Variants in SUGP1 observed in about 807,000 individuals in gnomAD.
The protein encoded by SUGP1 is SURP and G-patch domain-containing protein 1.
A neutral mutation model predicts 76.5 loss-of-function variants in SUGP1; 34 were observed. The ratio of observed to expected loss-of-function variants is 0.44; its 90% CI spans 0.34 to 0.59. SUGP1 has a LOEUF of 0.59. SUGP1 is among the 20% of genes least tolerant of loss of function. The probability of loss-of-function intolerance (pLI) is 0.01; values close to 1 mark genes in which losing one functional copy is unlikely to be tolerated. For synonymous variants in SUGP1, 326 were observed against 326.2 expected (o/e 1.00, Z 0.01); for missense variants, 752 against 851.7 (o/e 0.88, Z 1.46).
chr19:19,310,620 GTC>G (rs1334263023), intron 2 of SUGP1, among the ~76,000 whole-genome samples: 1 of 151,676 alleles, frequency 6.6e-6, no homozygotes, highest in Non-Finnish European at 1.5e-5. Flanking sequence ...GGGCCTACAT[GTC>G]TCTCTCTCTC....
At chr19:19,300,785 C>T (rs564632595) in intron 7 of SUGP1, among the ~76,000 whole-genome samples, 5 of 152,290 alleles carry the variant, frequency 3.3e-5, no homozygotes, top group East Asian at 1.9e-4. Context: ...GACAGCCACA[C>T]CTGACAAGCT....
rs1390534271 is a variant in SUGP1 at position 19,279,372 on chromosome 19, T to C, written c.1369A>G (p.Met457Val). Residue 457 changes from methionine (M) to valine (V), a missense_variant, in exon 10 of 14, where the codon ATG becomes GTG. This residue lies in a region of SUGP1 where 620 missense variants were observed against 617.3 expected (regional missense o/e 1.00). Transcript: ENST00000247001. ...EQQEMQQMYD[M>V]IMQHKRAMQD... is the part of the protein sequence containing the mutation. ...ATGGCCCGCTTGTGCTGCATGATCATGTCGTACATCTGCTGCATCTGCAGG... is the reference window on the plus strand; with the variant it reads ...ATGGCCCGCTTGTGCTGCATGATCACGTCGTACATCTGCTGCATCTGCAGG... The C allele has an allele frequency of 1.2e-6, 2 of 1,607,174 alleles. No individual in the cohort carries two copies. The highest frequency in any genetic ancestry group is 2.2e-5 in the South Asian group (2 of 90,614).
intron 1 of SUGP1, among the ~76,000 whole-genome samples, 188 bp from the exon 2 acceptor site, chr19:19,316,781 A>G (rs774858346): frequency 6.6e-6 from 1 of 152,106 alleles, no homozygotes; most frequent in African/African-American, 2.4e-5. Context: ...TATGCAAGAG[A>G]ACACAGGTCT....
chr19:19,310,143 G>A lies in SUGP1; in HGVS notation c.264C>T (p.Ser88=), dbSNP rs1457917347. The A allele has an allele frequency of 6.2e-7, 1 of 1,613,814 alleles. No individual in the cohort carries two copies. Among genetic ancestry groups the A allele is most frequent in the East Asian group, 2.2e-5 (1 of 44,874 alleles). ...GCAACTTCAGAAACTGCTGCAAGAAGCTACCATCGTTGGCAAACTTGTTGG... is the reference window on the plus strand; with the variant it reads ...GCAACTTCAGAAACTGCTGCAAGAAACTACCATCGTTGGCAAACTTGTTGG... ...CISNKFANDG[S]FLQQFLKLQK... is the part of the protein sequence containing the mutation. Residue 88 remains serine (S), a synonymous_variant, in exon 3 of 14, where the codon AGC becomes AGT. Transcript: ENST00000247001.
intron 4 of SUGP1, chr19:19,304,092 G>A: frequency 7.0e-7 from 1 of 1,432,780 alleles, no homozygotes; most frequent in African/African-American, 1.4e-5. Context: ...CAGGCTGGAA[G>A]CTAGCAGAAA....
intron 8 of SUGP1, among the ~76,000 whole-genome samples, chr19:19,293,872 A>C (rs1482452650): frequency 6.6e-6 from 1 of 152,174 alleles, no homozygotes; most frequent in African/African-American, 2.4e-5. Context: ...CACAAACTTA[A>C]ATGTGGAAAA....
intron 9 of SUGP1, 66 bp downstream of exon 9, chr19:19,280,119 G>A (rs773291843): frequency 1.1e-4 from 155 of 1,459,648 alleles, no homozygotes; most frequent in Non-Finnish European, 1.3e-4. Context: ...CGCTGCACCC[G>A]GGGGTAGAGG....
At chr19:19,303,959 T>C in intron 4 of SUGP1, 112 bp from the exon 5 acceptor site, 1 of 1,598,774 alleles carries the variant, frequency 6.3e-7, no homozygotes, top group Non-Finnish European at 8.5e-7. Flanking sequence ...GAGTGTGAGA[T>C]GCAGGAGGCT....
intron 2 of SUGP1, among the ~76,000 whole-genome samples, chr19:19,315,948 C>T (rs565044210): frequency 6.6e-6 from 1 of 152,178 alleles, no homozygotes; most frequent in Admixed American, 6.5e-5. Context: ...TCTCGTGCCT[C>T]AGCCTCCTGA....
intron 8 of SUGP1, among the ~76,000 whole-genome samples, chr19:19,282,838 G>A (rs918191138): frequency 6.6e-6 from 1 of 152,214 alleles, no homozygotes; most frequent in Non-Finnish European, 1.5e-5. Context: ...AGAACTTTGG[G>A]AGGCCAAGGT....
intron 4 of SUGP1, chr19:19,305,542 G>A (rs2061309509): frequency 3.7e-6 from 1 of 272,166 alleles, no homozygotes; most frequent in Non-Finnish European, 7.0e-6. Flanking sequence ...ATGCCCTTTT[G>A]GAGCAAATGC....
chr19:19,278,205 T>C (rs1236935444), intron 11 of SUGP1, among the ~76,000 whole-genome samples: 1 of 152,152 alleles, frequency 6.6e-6, no homozygotes, highest in Non-Finnish European at 1.5e-5. Context: ...CAATTTGTTG[T>C]ACAAGGTACT....
chr19:19,284,109 G>A (rs988823821), intron 8 of SUGP1, among the ~76,000 whole-genome samples: 3 of 152,146 alleles, frequency 2.0e-5, no homozygotes, highest in African/African-American at 7.2e-5. Flanking sequence ...CAGGTTTAGT[G>A]CAATATAGTA....
At position 19,303,755 on chromosome 19, in the gene SUGP1, T is replaced by C. The variant is rs1187232115; in HGVS notation, c.631A>G (p.Met211Val). 4 of 1,614,198 alleles carry C rather than the reference T, an allele frequency of 2.5e-6. No individual in the cohort carries two copies. The highest frequency in any genetic ancestry group is 1.6e-4 in the Middle Eastern group (1 of 6,062). Residue 211 changes from methionine to valine, a missense_variant, in exon 5 of 14, where the codon ATG (methionine) becomes GTG (valine). By Grantham distance (21) the Met-to-Val change is conservative (BLOSUM62 1). Transcript: ENST00000247001. ...EGGPELEKVA[M>V]EDYKDNPAFA... ...GCTGGGTTATCCTTGTAGTCCTCCATAGCTACTTTTTCTAACTCGGGGCCT... is the reference window on the plus strand; with the variant it reads ...GCTGGGTTATCCTTGTAGTCCTCCACAGCTACTTTTTCTAACTCGGGGCCT...
At chr19:19,304,117 C>T in intron 4 of SUGP1, 2 of 1,255,744 alleles carry the variant, frequency 1.6e-6, no homozygotes, top group East Asian at 2.6e-5. Context: ...ATCCAGCTTC[C>T]CCTGGTTTTG....
chr19:19,287,835 T>C (rs1002260782), intron 8 of SUGP1, among the ~76,000 whole-genome samples: 2 of 152,172 alleles, frequency 1.3e-5, no homozygotes, highest in Admixed American at 1.3e-4. Flanking sequence ...TAATACTGTA[T>C]ATAAACATTT....
intron 8 of SUGP1, among the ~76,000 whole-genome samples, chr19:19,294,608 C>T (rs2061211050): frequency 6.6e-6 from 1 of 151,526 alleles, no homozygotes; most frequent in Non-Finnish European, 1.5e-5. Flanking sequence ...AATTTTCATG[C>T]CCGGATTTGG....
At chr19:19,308,291 T>C (rs940295541) in intron 3 of SUGP1, among the ~76,000 whole-genome samples, 2 of 152,160 alleles carry the variant, frequency 1.3e-5, no homozygotes, top group African/African-American at 4.8e-5. Flanking sequence ...CCCTTCGGCC[T>C]CCCAAAGTGC....
chr19:19,305,306 A>G (rs1447027822), intron 4 of SUGP1, among the ~76,000 whole-genome samples: 1 of 152,160 alleles, frequency 6.6e-6, no homozygotes, highest in Non-Finnish European at 1.5e-5. Context: ...CAATGCTGTC[A>G]CCACAGCCAC....
Sources: gnomAD v4.1 joint callset for allele counts (sites outside exome capture counted in the v4.1 genomes callset) on GRCh38, gnomAD v4.1.1 for gene constraint, gnomAD v4.1.1 regional missense constraint, MANE v1.5 for transcripts, NCBI Gene and HGNC (gene_info 2026-07-23, HGNC 2026-07-21) for gene names.